NSD3: variants seen among roughly 807,000 people sequenced by gnomAD.
NSD3 encodes nuclear receptor binding SET domain protein 3.
Under a neutral mutation model 160.8 loss-of-function variants are expected in NSD3, and 24 were observed. That is an observed-to-expected ratio of 0.15 (90% CI 0.11 to 0.21). The LOEUF (loss-of-function observed/expected upper bound fraction) is 0.21. Among genes scored for constraint, NSD3 ranks in the 10% least tolerant of loss-of-function variants. The pLI is 1.00. For synonymous variants in NSD3, 520 were observed against 600.0 expected (o/e 0.87, Z 1.95); for missense variants, 1,157 against 1,735.9 (o/e 0.67, Z 5.93).
Position 38,333,633 on chromosome 8 carries a change from C to T in NSD3, c.911-2048G>A, listed in dbSNP as rs536950519. On this transcript the variant is annotated intron_variant, in intron 4 of 23. Coordinates refer to ENST00000317025, the MANE Select transcript of NSD3 (RefSeq NM_023034.2). ...CTGTAATCCCAGCACTTTGGGAGGCCGAGGCGGGTGGATCATGAGGTCAGG... is the reference window on the plus strand; with the variant it reads ...CTGTAATCCCAGCACTTTGGGAGGCTGAGGCGGGTGGATCATGAGGTCAGG... Among the ~76,000 whole-genome samples, 10 of 151,408 alleles carry T rather than the reference C, an allele frequency of 6.6e-5. No individual in the cohort carries two copies. The East Asian group carries it at 9.7e-4, about 15-fold the overall frequency.
At chr8:38,313,349 CA>C (rs1360624256) in intron 12 of NSD3, among the ~76,000 whole-genome samples, 1 of 152,106 alleles carries the variant, frequency 6.6e-6, no homozygotes, top group Non-Finnish European at 1.5e-5. Context: ...GGGTTTAAAT[CA>C]CAGAGTCATC....
chr8:38,344,343 C>T (rs1353995555), intron 2 of NSD3, among the ~76,000 whole-genome samples: 1 of 152,212 alleles, frequency 6.6e-6, no homozygotes, highest in East Asian at 1.9e-4. Flanking sequence ...ATGATCTTGG[C>T]TCACTGCAAT....
intron 1 of NSD3, among the ~76,000 whole-genome samples, chr8:38,351,654 C>T (rs1373734152): frequency 6.8e-6 from 1 of 147,746 alleles, no homozygotes; most frequent in African/African-American, 2.5e-5. Flanking sequence ...CAGAGTGAGA[C>T]TCCGTCTCAA....
chr8:38,359,779 A>G (rs1161049661), intron 1 of NSD3, among the ~76,000 whole-genome samples: 3 of 152,182 alleles, frequency 2.0e-5, no homozygotes, highest in South Asian at 2.1e-4. Flanking sequence ...TTACAAATGC[A>G]AGTGATTGTT....
intron 16 of NSD3, among the ~76,000 whole-genome samples, chr8:38,291,540 T>C (rs1331446702): frequency 6.6e-6 from 1 of 152,210 alleles, no homozygotes; most frequent in Non-Finnish European, 1.5e-5. Flanking sequence ...CACTCCCAGA[T>C]TTATATTGCA....
At chr8:38,350,863 A>G (rs1810674812) in intron 1 of NSD3, among the ~76,000 whole-genome samples, 1 of 152,144 alleles carries the variant, frequency 6.6e-6, no homozygotes, top group South Asian at 2.1e-4. Flanking sequence ...ATGCTACAAG[A>G]CCACCCTGCC....
rs144601753 is a variant in NSD3 at position 38,290,142 on chromosome 8, G to A, written c.3118+333C>T. Among the ~76,000 whole-genome samples, 685 of 151,928 alleles carry A rather than the reference G, an allele frequency of 4.5e-3. 14 individuals are homozygous for A. The highest frequency in any genetic ancestry group is 0.033 in the East Asian group (170 of 5,164). ...GAGGCAAGAGGATCACTTGAGCCCT[G>A]GAGTTCAAGGCTGCAGTGAGCTGTG... On this transcript the variant is annotated intron_variant, in intron 17 of 23. Coordinates refer to ENST00000317025, the MANE Select transcript of NSD3 (RefSeq NM_023034.2).
intron 12 of NSD3, among the ~76,000 whole-genome samples, chr8:38,312,305 T>G (rs1324524993): frequency 6.6e-6 from 1 of 152,212 alleles, no homozygotes; most frequent in African/African-American, 2.4e-5. Context: ...CTTAACTGTT[T>G]TTAAAGCAAA....
At chr8:38,299,665 A>AC in intron 14 of NSD3, 75 bp from the exon 15 acceptor site, 1 of 1,392,120 alleles carries the variant, frequency 7.2e-7, no homozygotes. Context: ...ATAAACCAAC[A>AC]CCTATTATGT....
chr8:38,310,114 T>A (rs1253163044), intron 12 of NSD3, among the ~76,000 whole-genome samples: 5 of 152,212 alleles, frequency 3.3e-5, no homozygotes, highest in Non-Finnish European at 5.9e-5. Context: ...ATTAAGTACA[T>A]TCACATTGTT....
chr8:38,378,825 C>CA (rs201408423), intron 1 of NSD3, among the ~76,000 whole-genome samples: 878 of 87,086 alleles, frequency 0.01, 10 homozygotes, highest in African/African-American at 0.021. Flanking sequence ...CTCCATCTCT[C>CA]AAAAAAAAAA....
chr8:38,278,227 CG>C, intron 22 of NSD3, 78 bp downstream of exon 22: 2 of 1,313,946 alleles, frequency 1.5e-6, no homozygotes, highest in Non-Finnish European at 1.1e-6. Flanking sequence ...CATGAGCCAC[CG>C]CGCCCGGCCA....
chr8:38,322,008 A>G (rs187780479), intron 7 of NSD3, among the ~76,000 whole-genome samples: 2 of 152,346 alleles, frequency 1.3e-5, no homozygotes, highest in Non-Finnish European at 2.9e-5. Flanking sequence ...TGATACCTGC[A>G]GTGCAGCTGT....
In NSD3 at chr8:38,269,910, A is replaced by G. The variant is rs1808379750; in HGVS notation, c.*5731T>C. 6.6e-6 allele frequency: 1 copy of G among 152,254 alleles called. No homozygotes were observed. The highest frequency in any genetic ancestry group is 2.1e-4 in the South Asian group (1 of 4,838). 9.4% of individuals were successfully genotyped at this position (152,254 alleles called of 1,614,324 possible). A position where few individuals can be genotyped will look rare whatever the true frequency, so the allele number is the denominator to read the frequency against. ...TTCCTACCAGCACACACATCAGTAA[A>G]GAAGCTTAAATATTACAGGCAACCC... is the stretch of plus-strand genomic sequence containing the variant. On this transcript the variant is annotated 3_prime_UTR_variant, in exon 24 of 24. Transcript: ENST00000317025.
At chr8:38,350,600 T>G (rs1054789338) in intron 1 of NSD3, among the ~76,000 whole-genome samples, 15 of 152,344 alleles carry the variant, frequency 9.8e-5, no homozygotes, top group Non-Finnish European at 1.6e-4. Context: ...GTGGTATATA[T>G]AGCAGAAGCA....
intron 1 of NSD3, among the ~76,000 whole-genome samples, chr8:38,362,710 T>G (rs1811006348): frequency 6.6e-6 from 1 of 152,160 alleles, no homozygotes; most frequent in African/African-American, 2.4e-5. Context: ...TATAAACAAT[T>G]GACAACATAT....
chr8:38,369,088 C>G (rs1811174699), intron 1 of NSD3, among the ~76,000 whole-genome samples: 1 of 152,192 alleles, frequency 6.6e-6, no homozygotes, highest in Admixed American at 6.5e-5. Flanking sequence ...TTTATTATAT[C>G]TAAATAATAA....
rs1205201434 is a variant in NSD3, at chr8:38,275,212, T to TG, written c.*428dup. The TG allele has an allele frequency of 7.8e-6, 2 of 257,130 alleles. No homozygotes were observed. The highest frequency in any genetic ancestry group is 1.5e-5 in the Non-Finnish European group (2 of 133,208). The allele number at this position is 257,130 out of a possible 1,614,324, so 15.9% of individuals were successfully genotyped here. ...ACACACACACACTTGATTAGACTAT[T>TG]GAACTACACTTCTTGAAATTCCTAA... is the stretch of plus-strand genomic sequence containing the variant. On this transcript the variant is annotated 3_prime_UTR_variant, in exon 24 of 24. Coordinates refer to ENST00000317025, the MANE Select transcript of NSD3 (RefSeq NM_023034.2).
chr8:38,354,681 T>C (rs998969739), intron 1 of NSD3, among the ~76,000 whole-genome samples: 19 of 152,160 alleles, frequency 1.2e-4, no homozygotes, highest in Non-Finnish European at 1.3e-4. Flanking sequence ...GAATGTAATA[T>C]TCTTTTAACT....
Sources: allele counts gnomAD v4.1 joint callset (sites outside exome capture counted in the v4.1 genomes callset), GRCh38; gene constraint gnomAD v4.1.1; transcripts MANE v1.5; gene names NCBI Gene and HGNC (gene_info 2026-07-23, HGNC 2026-07-21).